FBXO42: variants seen among roughly 807,000 people sequenced by gnomAD.
FBXO42 encodes the protein F-box protein 42.
FBXO42 carries 12 observed loss-of-function variants against 71.7 expected under a neutral mutation model. That is an observed-to-expected ratio of 0.17 (90% CI 0.11 to 0.27). The LOEUF (loss-of-function observed/expected upper bound fraction) is 0.27, where lower values mean the gene tolerates loss of function less well. Ranked by LOEUF, FBXO42 falls within the 10% of genes least tolerant of loss-of-function variation. The pLI is 1.00. For missense variants in FBXO42, 707 were observed against 911.9 expected, an observed-to-expected ratio of 0.78 and a Z score of 2.89; for synonymous variants, 325 against 327.5, an observed-to-expected ratio of 0.99 and a Z score of 0.08.
In FBXO42 at chr1:16,341,602, C is replaced by A. The variant is rs1277784568; in HGVS notation, c.-18+10653G>T. On this transcript the variant is annotated intron_variant, in intron 1 of 9. Transcript: ENST00000375592. Reference sequence around the variant, plus strand: ...CAGCCTGGGCAACCAAGTGAGACTGCGTCTTTTAAAAAAAAAAAAAAAAAA... The same window carrying A: ...CAGCCTGGGCAACCAAGTGAGACTGAGTCTTTTAAAAAAAAAAAAAAAAAA... 6.3e-5 allele frequency among the ~76,000 whole-genome samples: 6 copies of A among 94,668 alleles called. No homozygotes were observed. In the South Asian group the frequency reaches 2.6e-3, roughly 42 times the overall value. The allele number at this position is 94,668 out of a possible 152,430, so 62.1% of individuals were successfully genotyped here. A position where few individuals can be genotyped will look rare whatever the true frequency, so the allele number is the denominator to read the frequency against.
chr1:16,276,232 T>C (rs1178073763), intron 4 of FBXO42, among the ~76,000 whole-genome samples: 1 of 151,280 alleles, frequency 6.6e-6, no homozygotes, highest in Non-Finnish European at 1.5e-5. Context: ...TACAAAAAAT[T>C]AGCCGGGCAT....
intron 6 of FBXO42, among the ~76,000 whole-genome samples, chr1:16,254,190 G>A (rs1261621795): frequency 6.6e-6 from 1 of 152,164 alleles, no homozygotes; most frequent in Non-Finnish European, 1.5e-5. Context: ...TCTGCGGCCA[G>A]ACACTAGTGC....
At chr1:16,352,158 C>A (rs1211235801) in intron 1 of FBXO42, 97 bp downstream of exon 1, 2 of 390,234 alleles carry the variant, frequency 5.1e-6, no homozygotes, top group Non-Finnish European at 9.0e-6. Flanking sequence ...GGGCCTGCGT[C>A]AGACCCCGGG....
chr1:16,318,220 A>ACCAGCATGG (rs2082386160), intron 1 of FBXO42, among the ~76,000 whole-genome samples: 2 of 152,116 alleles, frequency 1.3e-5, no homozygotes, highest in African/African-American at 4.8e-5. Context: ...AGAGTTCGAG[A>ACCAGCATGG]CCAGCATGGC....
At chr1:16,326,918 AC>A (rs1357680201) in intron 1 of FBXO42, among the ~76,000 whole-genome samples, 1 of 152,156 alleles carries the variant, frequency 6.6e-6, no homozygotes, top group African/African-American at 2.4e-5. Flanking sequence ...CATTCAGTTT[AC>A]TATGAACCAT....
chr1:16,312,198 A>T (rs2082319343), intron 2 of FBXO42, among the ~76,000 whole-genome samples: 1 of 151,948 alleles, frequency 6.6e-6, no homozygotes, highest in African/African-American at 2.4e-5. Context: ...CTCTATAAAC[A>T]TTTTTTTAAA....
chr1:16,282,749 G>C (rs1254364369), intron 4 of FBXO42, among the ~76,000 whole-genome samples: 1 of 151,930 alleles, frequency 6.6e-6, no homozygotes, highest in Non-Finnish European at 1.5e-5. Flanking sequence ...GGGAGGCCAA[G>C]GCGGGCAGAT....
chr1:16,287,268 T>A (rs1391154255), intron 4 of FBXO42, among the ~76,000 whole-genome samples: 1 of 152,216 alleles, frequency 6.6e-6, no homozygotes, highest in African/African-American at 2.4e-5. Flanking sequence ...GATACCCACA[T>A]GGCTCACTTC....
At chr1:16,282,949 C>T (rs2081980291) in intron 4 of FBXO42, among the ~76,000 whole-genome samples, 2 of 151,372 alleles carry the variant, frequency 1.3e-5, no homozygotes. Context: ...CCACTGCAGG[C>T]CAGCCTGGGT....
chr1:16,317,287 G>A (rs1234625855), intron 1 of FBXO42, among the ~76,000 whole-genome samples: 8 of 152,236 alleles, frequency 5.3e-5, no homozygotes, highest in East Asian at 1.9e-4. Flanking sequence ...GCGTGGTAGC[G>A]TATGCCTGCA....
At chr1:16,308,135 C>A (rs1213541612) in intron 2 of FBXO42, among the ~76,000 whole-genome samples, 1 of 151,938 alleles carries the variant, frequency 6.6e-6, no homozygotes, top group Non-Finnish European at 1.5e-5. Context: ...TAGACCCATA[C>A]AAATACAGTC....
chr1:16,277,071 G>A (rs1006318188), intron 4 of FBXO42, among the ~76,000 whole-genome samples: 1 of 152,188 alleles, frequency 6.6e-6, no homozygotes, highest in African/African-American at 2.4e-5. Context: ...GGTAATCAAG[G>A]AAAGATCTGT....
At chr1:16,321,366 C>T (rs971060885) in intron 1 of FBXO42, among the ~76,000 whole-genome samples, 1 of 152,148 alleles carries the variant, frequency 6.6e-6, no homozygotes, top group Admixed American at 6.6e-5. Flanking sequence ...CTCATATTCC[C>T]CCAAGGATAT....
intron 1 of FBXO42, among the ~76,000 whole-genome samples, chr1:16,340,445 C>T (rs113056355): frequency 3.9e-5 from 6 of 151,996 alleles, no homozygotes; most frequent in African/African-American, 9.6e-5. Flanking sequence ...CTCAGCCTCC[C>T]GAGTAGCTGG....
intron 1 of FBXO42, 120 bp from the exon 2 acceptor site, chr1:16,315,555 C>T: frequency 1.0e-6 from 1 of 954,706 alleles, no homozygotes; most frequent in Non-Finnish European, 1.5e-6. Flanking sequence ...ATCTGCTCTT[C>T]AGCACTTTCC....
intron 4 of FBXO42, among the ~76,000 whole-genome samples, chr1:16,274,033 T>G (rs1435321128): frequency 6.6e-6 from 1 of 152,138 alleles, no homozygotes; most frequent in Non-Finnish European, 1.5e-5. Context: ...CAGACGTCCA[T>G]TTACACGAAG....
At chr1:16,307,112 G>A (rs1006033563) in intron 2 of FBXO42, among the ~76,000 whole-genome samples, 2 of 151,958 alleles carry the variant, frequency 1.3e-5, no homozygotes, top group African/African-American at 2.4e-5. Context: ...GGCTGGTCTC[G>A]AACTCCCCAC....
chr1:16,297,657 C>A (rs778924551), intron 3 of FBXO42, among the ~76,000 whole-genome samples: 1 of 149,280 alleles, frequency 6.7e-6, no homozygotes, highest in Non-Finnish European at 1.5e-5. Flanking sequence ...GTCAGCAGAT[C>A]GAGACCATCC....
Position 16,251,869 on chromosome 1 carries a change from G to T in FBXO42, c.1039-84C>A. The T allele has an allele frequency of 6.7e-7, 1 of 1,487,484 alleles. No homozygotes were observed. The highest frequency in any genetic ancestry group is 9.0e-7 in the Non-Finnish European group (1 of 1,106,752). 92.1% of individuals were successfully genotyped at this position (1,487,484 alleles called of 1,614,324 possible). A position where few individuals can be genotyped will look rare whatever the true frequency, so the allele number is the denominator to read the frequency against. ...GTCAAACATTTTATCATGAGCATCTGTCATGTGCCAGACATTTTGTAGGTA... is the reference window on the plus strand; with the variant it reads ...GTCAAACATTTTATCATGAGCATCTTTCATGTGCCAGACATTTTGTAGGTA... On this transcript the variant is annotated intron_variant, in intron 9 of 9. Transcript: ENST00000375592. The surrounding 1 kb of genome is among the most constrained non-coding windows in gnomAD (Gnocchi z 4.5).
Sources: gnomAD v4.1 joint callset for allele counts (sites outside exome capture counted in the v4.1 genomes callset) on GRCh38, gnomAD v4.1.1 for gene constraint, Gnocchi (gnomAD v3.1) non-coding constraint, MANE v1.5 for transcripts, NCBI Gene and HGNC (gene_info 2026-07-23, HGNC 2026-07-21) for gene names.